RBM20: variants seen among roughly 807,000 people sequenced by gnomAD.
RBM20 encodes RNA-binding protein 20.
A neutral mutation model predicts 110.1 loss-of-function variants in RBM20; 51 were observed. That is an observed-to-expected ratio of 0.46 (90% CI 0.37 to 0.59). RBM20 has a LOEUF of 0.59. Ranked by LOEUF, RBM20 falls within the 20% of genes least tolerant of loss-of-function variation. RBM20 has a pLI of 0.00. For synonymous variants in RBM20, 589 were observed against 618.2 expected, an observed-to-expected ratio of 0.95 and a Z score of 0.70; for missense variants, 1,512 against 1,574.9, an observed-to-expected ratio of 0.96 and a Z score of 0.68.
At chr10:110,654,058 T>C (rs969089441) in intron 1 of RBM20, among the ~76,000 whole-genome samples, 2 of 152,206 alleles carry the variant, frequency 1.3e-5, no homozygotes, top group Non-Finnish European at 2.9e-5. Context: ...GATTGCTCCA[T>C]TGTAGACAGA....
intron 2 of RBM20, among the ~76,000 whole-genome samples, 183 bp from the exon 3 acceptor site, chr10:110,783,183 G>A (rs1844376270): frequency 6.6e-6 from 1 of 152,130 alleles, no homozygotes; most frequent in Non-Finnish European, 1.5e-5. Context: ...AGGCTGGATG[G>A]GGAGGCAGGA....
chr10:110,799,631 TC>T (rs1468105334), intron 6 of RBM20, among the ~76,000 whole-genome samples, 155 bp from the exon 7 acceptor site: 1 of 152,168 alleles, frequency 6.6e-6, no homozygotes, highest in African/African-American at 2.4e-5. Flanking sequence ...CAGTTCCCCA[TC>T]CCCACCTGAG....
chr10:110,830,573 T>C (rs1390028203), intron 12 of RBM20, among the ~76,000 whole-genome samples: 2 of 148,708 alleles, frequency 1.3e-5, no homozygotes, highest in African/African-American at 2.5e-5. Flanking sequence ...CTCTGGGTGA[T>C]TTTTTCCTTC....
At chr10:110,742,597 G>A (rs183706212) in intron 1 of RBM20, among the ~76,000 whole-genome samples, 6 of 152,052 alleles carry the variant, frequency 3.9e-5, no homozygotes, top group Non-Finnish European at 7.4e-5. Context: ...CTTTACCCCC[G>A]AACTTCTTTG....
intron 1 of RBM20, among the ~76,000 whole-genome samples, chr10:110,741,573 C>T (rs1396582446): frequency 6.6e-6 from 1 of 152,208 alleles, no homozygotes; most frequent in East Asian, 1.9e-4. Flanking sequence ...CAAGTTCTGC[C>T]AGCTTTCAGT....
intron 12 of RBM20, among the ~76,000 whole-genome samples, chr10:110,828,069 C>G (rs1039257708): frequency 2.6e-5 from 4 of 152,180 alleles, no homozygotes; most frequent in Non-Finnish European, 4.4e-5. Context: ...AAGGCTTGCT[C>G]TCAGTAGAAA....
At chr10:110,790,269 T>C (rs1238393469) in intron 5 of RBM20, among the ~76,000 whole-genome samples, 1 of 152,220 alleles carries the variant, frequency 6.6e-6, no homozygotes, top group African/African-American at 2.4e-5. Flanking sequence ...TCTTTGAGCA[T>C]GAGGACTAGT....
At chr10:110,745,535 T>A (rs1440356444) in intron 1 of RBM20, among the ~76,000 whole-genome samples, 1 of 151,674 alleles carries the variant, frequency 6.6e-6, no homozygotes, top group Non-Finnish European at 1.5e-5. Context: ...TCCAAGGGAT[T>A]TGGAGTGGTT....
chr10:110,689,249 C>T (rs922381312), intron 1 of RBM20, among the ~76,000 whole-genome samples: 1 of 152,226 alleles, frequency 6.6e-6, no homozygotes, highest in Non-Finnish European at 1.5e-5. Context: ...TCAGCACGTG[C>T]TGACTGGGGC....
chr10:110,698,562 T>TG, intron 1 of RBM20, among the ~76,000 whole-genome samples: 1 of 152,170 alleles, frequency 6.6e-6, no homozygotes, highest in African/African-American at 2.4e-5. Context: ...TGAGGTGGCA[T>TG]TGGAGCTTCT....
intron 13 of RBM20, among the ~76,000 whole-genome samples, chr10:110,833,366 G>A (rs1271729801): frequency 3.8e-5 from 4 of 105,342 alleles, no homozygotes; most frequent in East Asian, 3.4e-4. Flanking sequence ...TCCAGCCTGG[G>A]TGACGGAGCG....
chr10:110,797,171 T>G (rs1844560466), intron 5 of RBM20, among the ~76,000 whole-genome samples: 1 of 152,152 alleles, frequency 6.6e-6, no homozygotes, highest in African/African-American at 2.4e-5. Context: ...TGCATGCCTG[T>G]GGTCCCAGCT....
At chr10:110,773,870 C>T (rs1032341301) in intron 1 of RBM20, among the ~76,000 whole-genome samples, 19 of 152,144 alleles carry the variant, frequency 1.2e-4, no homozygotes, top group South Asian at 1.2e-3. Flanking sequence ...TGATAAGCGA[C>T]GTACGGAGCA....
intron 1 of RBM20, among the ~76,000 whole-genome samples, chr10:110,683,344 G>T (rs1461336696): frequency 6.6e-6 from 1 of 152,210 alleles, no homozygotes; most frequent in East Asian, 1.9e-4. Context: ...CAACACAGCT[G>T]GTGCTGGTTG....
Position 110,644,715 on chromosome 10 carries a change from C to T in RBM20, c.191+70C>T, listed in dbSNP as rs1249410605. On this transcript the variant is annotated intron_variant, in intron 1 of 13. Coordinates refer to ENST00000369519, the MANE Select transcript of RBM20 (RefSeq NM_001134363.3). The surrounding 1 kb of genome is among the most constrained non-coding windows in gnomAD (Gnocchi z 4.3). ...CACGCCCCGAGAGCCCCCTTTGTGGCTTCATTTCCCGTCCCTGCTGAACTT... is the reference window on the plus strand; with the variant it reads ...CACGCCCCGAGAGCCCCCTTTGTGGTTTCATTTCCCGTCCCTGCTGAACTT... 8.4e-7 allele frequency: 1 copy of T among 1,192,348 alleles called. No homozygotes were observed. The highest frequency in any genetic ancestry group is 1.1e-6 in the Non-Finnish European group (1 of 895,516). 73.9% of individuals were successfully genotyped at this position (1,192,348 alleles called of 1,614,324 possible). A position where few individuals can be genotyped will look rare whatever the true frequency, so the allele number is the denominator to read the frequency against.
chr10:110,805,878 A>G (rs1844688143), intron 7 of RBM20, among the ~76,000 whole-genome samples: 1 of 152,208 alleles, frequency 6.6e-6, no homozygotes, highest in Non-Finnish European at 1.5e-5. Context: ...AATGGATGTA[A>G]AGATAACAAT....
chr10:110,747,190 A>T (rs1235657382), intron 1 of RBM20, among the ~76,000 whole-genome samples: 1 of 152,122 alleles, frequency 6.6e-6, no homozygotes, highest in African/African-American at 2.4e-5. Context: ...ATAGAAAGTT[A>T]AAAAAATACC....
chr10:110,676,587 T>C (rs1862343304), intron 1 of RBM20, among the ~76,000 whole-genome samples: 1 of 152,268 alleles, frequency 6.6e-6, no homozygotes, highest in African/African-American at 2.4e-5. Flanking sequence ...GTTTTTCTTC[T>C]GTATGACATT....
rs565082437 is a variant in RBM20, at chr10:110,824,524, T to C, written c.3451+910T>C. 4.9e-4 allele frequency among the ~76,000 whole-genome samples: 75 copies of C among 152,282 alleles called. 2 individuals carry two copies. In the South Asian group the frequency reaches 1.0e-2, roughly 20 times the overall value. On this transcript the variant is annotated intron_variant, in intron 12 of 13. Coordinates refer to ENST00000369519, the MANE Select transcript of RBM20 (RefSeq NM_001134363.3). ...GTAAGTCATACCCCTTCTTGAGCCT[T>C]AGTTTCCTCTCTGTAATTTAGACAG...
Sources: gnomAD v4.1 joint callset for allele counts (sites outside exome capture counted in the v4.1 genomes callset) on GRCh38, gnomAD v4.1.1 for gene constraint, Gnocchi (gnomAD v3.1) non-coding constraint, MANE v1.5 for transcripts, NCBI Gene and HGNC (gene_info 2026-07-23, HGNC 2026-07-21) for gene names.